PAK4: variants seen among roughly 807,000 people sequenced by gnomAD.
The protein encoded by PAK4 is p21 (RAC1) activated kinase 4.
In PAK4, 49 loss-of-function variants were observed where a neutral mutation model predicts 53.5. That is an observed-to-expected ratio of 0.92 (90% CI 0.73 to 1.16). The LOEUF (loss-of-function observed/expected upper bound fraction) is 1.16, where lower values mean the gene tolerates loss of function less well. Ranked by LOEUF, PAK4 falls within the 50% of genes most tolerant of loss-of-function variation. The probability of loss-of-function intolerance (pLI) is 0.00; values close to 1 mark genes in which losing one functional copy is unlikely to be tolerated. For missense variants in PAK4, 824 were observed against 850.7 expected (o/e 0.97, Z 0.39); for synonymous variants, 376 against 375.6 (o/e 1.00, Z -0.01).
chr19:39,131,054 T>C (rs570520728), intron 1 of PAK4, among the ~76,000 whole-genome samples: 4 of 152,040 alleles, frequency 2.6e-5, no homozygotes, highest in African/African-American at 9.6e-5. Context: ...GTGAAGTAGG[T>C]GCTAGTATCA....
chr19:39,165,372 G>A (rs1173118384), intron 1 of PAK4, among the ~76,000 whole-genome samples: 3 of 145,720 alleles, frequency 2.1e-5, no homozygotes, highest in Admixed American at 1.4e-4. Context: ...AAAATTAGCC[G>A]GGCATGGTGG....
intron 1 of PAK4, among the ~76,000 whole-genome samples, chr19:39,135,835 C>T (rs963746182): frequency 1.3e-5 from 2 of 151,640 alleles, no homozygotes; most frequent in African/African-American, 4.8e-5. Context: ...AACCCCCATC[C>T]CTCGTCTTGT....
intron 1 of PAK4, among the ~76,000 whole-genome samples, chr19:39,145,529 C>T (rs986675770): frequency 4.6e-5 from 7 of 152,160 alleles, no homozygotes; most frequent in African/African-American, 1.4e-4. Context: ...CACCCAGGCC[C>T]GCAGCCCCCT....
At chr19:39,169,250 G>A (rs534801) in intron 1 of PAK4, among the ~76,000 whole-genome samples, 5,519 of 151,924 alleles carry the variant, frequency 0.036, 339 homozygotes, top group African/African-American at 0.13. Flanking sequence ...AGGTCTCCAG[G>A]GGGGGTGAGA....
intron 1 of PAK4, among the ~76,000 whole-genome samples, chr19:39,148,784 A>C (rs2074048723): frequency 6.6e-6 from 1 of 151,470 alleles, no homozygotes; most frequent in Non-Finnish European, 1.5e-5. Flanking sequence ...AAAGTTTGAT[A>C]GTTTTACATT....
intron 1 of PAK4, among the ~76,000 whole-genome samples, chr19:39,169,322 A>G (rs1427650793): frequency 6.6e-6 from 1 of 152,094 alleles, no homozygotes; most frequent in Non-Finnish European, 1.5e-5. Context: ...AGTTCTGAGC[A>G]GAGGGACGTG....
At position 39,173,152 on chromosome 19, in the gene PAK4, G is replaced by A. The variant is rs199622580; in HGVS notation, c.439G>A (p.Gly147Ser). 354 of 1,541,924 alleles carry A rather than the reference G, an allele frequency of 2.3e-4. 1 individual carries two copies. Among genetic ancestry groups the A allele is most frequent in the Middle Eastern group, 1.7e-3 (9 of 5,362 alleles). Reference sequence around the variant, plus strand: ...CGCCGGTCACAGCGAGGCGGGTGGCGGCAGTGGTGACAGGCGACGGGCGGG... The same window carrying A: ...CGCCGGTCACAGCGAGGCGGGTGGCAGCAGTGGTGACAGGCGACGGGCGGG... The change falls in exon 3 of 9, where the codon GGC becomes AGC. Residue 147 changes from glycine to serine, a missense_variant. Physicochemically the swap from Gly to Ser is moderately conservative, Grantham distance 56. Around this residue, in one of 2 missense-constraint regions of PAK4, gnomAD observed 478 missense variants for 435.8 expected, o/e 1.10. Transcript: ENST00000358301. This position sits in a 1 kb window ranked among gnomAD's most constrained non-coding sequence, Gnocchi z 6.9.
At position 39,178,621 on chromosome 19, in the gene PAK4, AC is replaced by A; in HGVS notation, c.*47del. On this transcript the variant is annotated 3_prime_UTR_variant, in exon 9 of 9. Transcript: ENST00000358301. This position sits in a 1 kb window ranked among gnomAD's most constrained non-coding sequence, Gnocchi z 4.4. ...CCTCAACCAAAGAGCCCCCCGGGTC[AC>A]CCCCGCCCCACTGAGGCCAGTAGGG... The A allele has an allele frequency of 1.3e-6, 2 of 1,521,432 alleles. No individual in the cohort carries two copies. The highest frequency in any genetic ancestry group is 1.8e-6 in the Non-Finnish European group (2 of 1,127,486). 94.2% of individuals were successfully genotyped at this position (1,521,432 alleles called of 1,614,324 possible). A position where few individuals can be genotyped will look rare whatever the true frequency, so the allele number is the denominator to read the frequency against.
Position 39,173,534 on chromosome 19 carries a change from C to CCCTGGCACCCATCACTGACAGCTA in PAK4, c.664-38_664-15dup. ...CTCCTGCTTAGGGAGCAGAGCTGCT[C>CCCTGGCACCCATCACTGACAGCTA]CCTGGCACCCATCACTGACAGCTAC... On this transcript the variant is annotated intron_variant, in intron 3 of 8. Transcript: ENST00000358301. This position sits in a 1 kb window ranked among gnomAD's most constrained non-coding sequence, Gnocchi z 6.9. 1 of 1,471,454 alleles carries CCCTGGCACCCATCACTGACAGCTA rather than the reference C, an allele frequency of 6.8e-7. No individual in the cohort carries two copies. The highest frequency in any genetic ancestry group is 9.1e-7 in the Non-Finnish European group (1 of 1,093,420). 91.1% of individuals were successfully genotyped at this position (1,471,454 alleles called of 1,614,324 possible). A position where few individuals can be genotyped will look rare whatever the true frequency, so the allele number is the denominator to read the frequency against.
chr19:39,169,473 G>A, intron 1 of PAK4, 59 bp from the exon 3 acceptor site: 2 of 1,220,130 alleles, frequency 1.6e-6, no homozygotes, highest in South Asian at 1.3e-5. Flanking sequence ...CAGAGCAGGG[G>A]CAGAGGAGGA....
At position 39,169,768 on chromosome 19, in the gene PAK4, C is replaced by T; in HGVS notation, c.204+11C>T. On this transcript the variant is annotated intron_variant, in intron 2 of 8. Transcript: ENST00000358301. ...CCCGGGGCCCCCAAGGTATGTGGCA[C>T]CCACCACCACCTCCCCCAGCCCACC... 1.3e-6 allele frequency: 2 copies of T among 1,576,720 alleles called. No individual in the cohort carries two copies. Among genetic ancestry groups the T allele is most frequent in the Non-Finnish European group, 1.7e-6 (2 of 1,158,710 alleles).
rs991440896 is a variant in PAK4 at position 39,138,687 on chromosome 19, C to T, written c.-23+12768C>T. Reference sequence around the variant, plus strand: ...CACTTCTCCCATTCTCTGCTTCTTCCCTGGTACCGCCCCTGGACCCTGGCG... The same window carrying T: ...CACTTCTCCCATTCTCTGCTTCTTCTCTGGTACCGCCCCTGGACCCTGGCG... On this transcript the variant is annotated intron_variant, in intron 1 of 8. Coordinates refer to ENST00000358301, the Ensembl canonical transcript of PAK4. 3.9e-5 allele frequency among the ~76,000 whole-genome samples: 6 copies of T among 152,220 alleles called. No homozygotes were observed. In the East Asian group the frequency reaches 9.6e-4, roughly 24 times the overall value.
Position 39,175,173 on chromosome 19 carries a change from G to T in PAK4, c.1232+109G>T, listed in dbSNP as rs2074577516. ...GCTGTGCTCCGGGCCCCTGGGATGG[G>T]GTCGTGTCTTCCATTCCTCCCACTC... On this transcript the variant is annotated intron_variant, in intron 5 of 8. Coordinates refer to ENST00000358301, the Ensembl canonical transcript of PAK4. The surrounding 1 kb of genome is among the most constrained non-coding windows in gnomAD (Gnocchi z 4.7). 5 of 1,494,368 alleles carry T rather than the reference G, an allele frequency of 3.3e-6. No homozygotes were observed. Among genetic ancestry groups the T allele is most frequent in the African/African-American group, 2.8e-5 (2 of 72,426 alleles). 92.6% of individuals were successfully genotyped at this position (1,494,368 alleles called of 1,614,324 possible). A position where few individuals can be genotyped will look rare whatever the true frequency, so the allele number is the denominator to read the frequency against.
At chr19:39,139,444 T>C (rs2073874881) in intron 1 of PAK4, among the ~76,000 whole-genome samples, 1 of 152,088 alleles carries the variant, frequency 6.6e-6, no homozygotes, top group African/African-American at 2.4e-5. Context: ...GACTGAGTGA[T>C]GGCTTGGAGG....
chr19:39,144,047 TGATA>T (rs758404513), intron 1 of PAK4, among the ~76,000 whole-genome samples: 216 of 151,798 alleles, frequency 1.4e-3, no homozygotes, highest in African/African-American at 3.6e-3. Context: ...AAACCTATGA[TGATA>T]GATAGATAGA....
chr19:39,178,693 C>T lies in PAK4; in HGVS notation c.*114C>T, dbSNP rs1197059841. 1.5e-5 allele frequency: 14 copies of T among 915,012 alleles called. No homozygotes were observed. Among genetic ancestry groups the T allele is most frequent in the Non-Finnish European group, 1.6e-5 (10 of 612,516 alleles). The allele number at this position is 915,012 out of a possible 1,614,324, so 56.7% of individuals were successfully genotyped here. A position where few individuals can be genotyped will look rare whatever the true frequency, so the allele number is the denominator to read the frequency against. On this transcript the variant is annotated 3_prime_UTR_variant, in exon 9 of 9. Transcript: ENST00000358301. The surrounding 1 kb of genome is among the most constrained non-coding windows in gnomAD (Gnocchi z 4.4). ...CCAGCCCGGGAGATGCTCCGCGTGG[C>T]ACCACCCTCCTTGCTGGGGGTAGAT...
chr19:39,163,138 C>A (rs537105585), intron 1 of PAK4, among the ~76,000 whole-genome samples: 16 of 152,286 alleles, frequency 1.1e-4, no homozygotes, highest in African/African-American at 3.4e-4. Flanking sequence ...TAAACTGAGG[C>A]AGGGAGGGGC....
intron 1 of PAK4, among the ~76,000 whole-genome samples, chr19:39,144,113 T>C (rs1317972786): frequency 1.5e-4 from 15 of 102,540 alleles, no homozygotes; most frequent in African/African-American, 4.4e-4. Flanking sequence ...GATAGATAGA[T>C]AGATAGACAG....
At position 39,175,119 on chromosome 19, in the gene PAK4, A is replaced by G. The variant is rs2074576270; in HGVS notation, c.1232+55A>G. 4 of 1,556,880 alleles carry G rather than the reference A, an allele frequency of 2.6e-6. No homozygotes were observed. Among genetic ancestry groups the G allele is most frequent in the Admixed American group, 3.6e-5 (2 of 56,186 alleles). ...GACACGACCAAGTCCCCTCCAGACCACTAGGGGTGGGGCCACATCTCCAAA... is the reference window on the plus strand; with the variant it reads ...GACACGACCAAGTCCCCTCCAGACCGCTAGGGGTGGGGCCACATCTCCAAA... On this transcript the variant is annotated intron_variant, in intron 5 of 8. Transcript: ENST00000358301. The surrounding 1 kb of genome is among the most constrained non-coding windows in gnomAD (Gnocchi z 4.7).
Sources: gnomAD v4.1 joint callset for allele counts (sites outside exome capture counted in the v4.1 genomes callset) on GRCh38, gnomAD v4.1.1 for gene constraint, gnomAD v4.1.1 regional missense constraint, Gnocchi (gnomAD v3.1) non-coding constraint, MANE v1.5 for transcripts, NCBI Gene and HGNC (gene_info 2026-07-23, HGNC 2026-07-21) for gene names.